The following RIMS2 variants were observed in gnomAD, a reference collection of about 807,000 sequenced individuals.
RIMS2 encodes the protein regulating synaptic membrane exocytosis protein 2.
In RIMS2, 59 loss-of-function variants were observed where a neutral mutation model predicts 174.4. The ratio of observed to expected loss-of-function variants is 0.34; its 90% CI spans 0.27 to 0.42. The LOEUF (loss-of-function observed/expected upper bound fraction) is 0.42, where lower values mean the gene tolerates loss of function less well. RIMS2 is among the 10% of genes least tolerant of loss of function. The pLI, the probability that RIMS2 is intolerant of heterozygous loss-of-function variation, is 1.00. For synonymous variants in RIMS2, 606 were observed against 572.5 expected (o/e 1.06, Z -0.84); for missense variants, 1,620 against 1,666.3 (o/e 0.97, Z 0.48).
At chr8:103,770,316 C>T (rs1190403127) in intron 3 of RIMS2, among the ~76,000 whole-genome samples, 1 of 152,204 alleles carries the variant, frequency 6.6e-6, no homozygotes, top group Non-Finnish European at 1.5e-5. Flanking sequence ...TGGCTTATGC[C>T]TGTAATCCCA....
At chr8:103,827,821 A>T (rs2098801038) in intron 3 of RIMS2, among the ~76,000 whole-genome samples, 1 of 152,104 alleles carries the variant, frequency 6.6e-6, no homozygotes, top group African/African-American at 2.4e-5. Flanking sequence ...CTGGGTGACA[A>T]GAGCGAGACT....
chr8:103,900,138 T>C (rs1478661530), intron 4 of RIMS2, among the ~76,000 whole-genome samples: 18 of 151,748 alleles, frequency 1.2e-4, no homozygotes, highest in Admixed American at 1.2e-3. Context: ...TAGTATAGTT[T>C]GAACTCAGGT....
intron 19 of RIMS2, among the ~76,000 whole-genome samples, chr8:104,125,297 A>G (rs1484494548): frequency 1.3e-5 from 2 of 152,182 alleles, no homozygotes; most frequent in African/African-American, 4.8e-5. Context: ...ACTTCAAGAG[A>G]GACAGCACAA....
At position 103,606,845 on chromosome 8, in the gene RIMS2, A is replaced by G. The variant is rs558615670; in HGVS notation, c.177-90241A>G. The stretch of plus-strand genomic sequence containing the variant: ...CAACCCCTGCCTTTTTTTGTTTTCC[A>G]TTTGCTTGGTAGATCTTCCTCCATC... On this transcript the variant is annotated intron_variant, in intron 1 of 23. Coordinates refer to ENST00000504942, the Ensembl canonical transcript of RIMS2. Among the ~76,000 whole-genome samples the G allele has an allele frequency of 6.1e-3, 922 of 150,254 alleles. 11 individuals are homozygous for G. Among genetic ancestry groups the G allele is most frequent in the African/African-American group, 0.021 (873 of 40,848 alleles).
At chr8:103,854,832 C>T (rs1194103397) in intron 3 of RIMS2, among the ~76,000 whole-genome samples, 2 of 151,696 alleles carry the variant, frequency 1.3e-5, no homozygotes, top group South Asian at 2.1e-4. Flanking sequence ...TTTCTTTTCT[C>T]GTGGTATATA....
chr8:103,753,717 G>A (rs1177011142), intron 2 of RIMS2, among the ~76,000 whole-genome samples: 1 of 152,154 alleles, frequency 6.6e-6, no homozygotes, highest in Admixed American at 6.5e-5. Context: ...TATTTGTGTT[G>A]AAGTGTTTAT....
intron 19 of RIMS2, among the ~76,000 whole-genome samples, chr8:104,086,955 G>A (rs563948470): frequency 6.6e-6 from 1 of 152,138 alleles, no homozygotes; most frequent in East Asian, 1.9e-4. Flanking sequence ...GTGACCACTT[G>A]GTAACTTGAA....
At chr8:104,010,651 A>G (rs1427699595) in intron 17 of RIMS2, among the ~76,000 whole-genome samples, 1 of 152,178 alleles carries the variant, frequency 6.6e-6, no homozygotes, top group African/African-American at 2.4e-5. Context: ...AAAAAGAACT[A>G]TAAATAGAGA....
intron 2 of RIMS2, among the ~76,000 whole-genome samples, chr8:103,764,712 A>G (rs1591910990): frequency 6.6e-6 from 1 of 152,176 alleles, no homozygotes; most frequent in Non-Finnish European, 1.5e-5. Context: ...TAGGAAATTA[A>G]TGAACATACA....
intron 16 of RIMS2, among the ~76,000 whole-genome samples, chr8:103,981,067 G>A (rs547525494): frequency 4.6e-5 from 7 of 152,280 alleles, no homozygotes; most frequent in African/African-American, 1.7e-4. Flanking sequence ...TAGAGTCCTA[G>A]GACCTTGAGT....
At chr8:104,159,863 G>A (rs957470730) in intron 19 of RIMS2, among the ~76,000 whole-genome samples, 1 of 152,094 alleles carries the variant, frequency 6.6e-6, no homozygotes, top group African/African-American at 2.4e-5. Flanking sequence ...ATCTGACTGG[G>A]CACGGTGGCT....
intron 3 of RIMS2, among the ~76,000 whole-genome samples, chr8:103,826,696 A>G (rs1031396199): frequency 4.0e-4 from 59 of 149,210 alleles, no homozygotes; most frequent in Admixed American, 1.3e-3. Flanking sequence ...AAATATATAT[A>G]TATGTATATA....
intron 3 of RIMS2, among the ~76,000 whole-genome samples, chr8:103,792,120 T>G (rs943312648): frequency 2.6e-5 from 4 of 152,150 alleles, no homozygotes; most frequent in Non-Finnish European, 4.4e-5. Context: ...GAATATACAT[T>G]CTTCTCAGCA....
At chr8:103,977,075 T>G (rs2154548721) in intron 16 of RIMS2, 1 of 152,346 alleles carries the variant, frequency 6.6e-6, no homozygotes, top group South Asian at 2.1e-4. Flanking sequence ...CTATTTTAAA[T>G]AAATGATTAT....
chr8:104,021,092 A>G (rs2154554932), intron 19 of RIMS2, among the ~76,000 whole-genome samples: 1 of 152,200 alleles, frequency 6.6e-6, no homozygotes, highest in African/African-American at 2.4e-5. Context: ...AAATTAAGAA[A>G]TAAGTAGTTT....
chr8:104,022,818 A>G (rs899073130), intron 19 of RIMS2, among the ~76,000 whole-genome samples: 1 of 152,212 alleles, frequency 6.6e-6, no homozygotes, highest in Non-Finnish European at 1.5e-5. Flanking sequence ...TTTATCATTT[A>G]TATGAAATCC....
Position 103,955,954 on chromosome 8 carries a change from A to G in RIMS2, c.2702-5111A>G, listed in dbSNP as rs538762534. ...AAATCACAAGCATTCCTATACACTAATAACAGACAAACATAGAGCCAAATG... is the reference window on the plus strand; with the variant it reads ...AAATCACAAGCATTCCTATACACTAGTAACAGACAAACATAGAGCCAAATG... On this transcript the variant is annotated intron_variant, in intron 14 of 23. Transcript: ENST00000504942. 3.9e-5 allele frequency among the ~76,000 whole-genome samples: 6 copies of G among 152,284 alleles called. 1 individual carries two copies. The South Asian group carries it at 1.2e-3, about 32-fold the overall frequency.
chr8:103,992,274 A>ATTTTTTTTTTTTTTTTTTT (rs1186537194), intron 17 of RIMS2, among the ~76,000 whole-genome samples: 5 of 107,108 alleles, frequency 4.7e-5, no homozygotes, highest in Non-Finnish European at 7.1e-5. Context: ...ATGTCCAGCT[A>ATTTTTTTTTTTTTTTTTTT]TTTTTTTTTT....
intron 19 of RIMS2, among the ~76,000 whole-genome samples, chr8:104,155,570 T>C (rs1600158120): frequency 6.7e-6 from 1 of 148,984 alleles, no homozygotes; most frequent in African/African-American, 2.5e-5. Context: ...CCCACCACCA[T>C]GCCCGGCTAA....
Sources: gnomAD v4.1 joint callset for allele counts (sites outside exome capture counted in the v4.1 genomes callset) on GRCh38, gnomAD v4.1.1 for gene constraint, MANE v1.5 for transcripts, NCBI Gene and HGNC (gene_info 2026-07-23, HGNC 2026-07-21) for gene names.